C6: variants seen among roughly 807,000 people sequenced by gnomAD.
C6 encodes complement C6.
C6 carries 101 observed loss-of-function variants against 112.9 expected under a neutral mutation model. The observed-to-expected ratio is 0.89, with a 90% confidence interval of 0.76 to 1.06. The LOEUF is 1.06. C6 is among the 50% of genes least tolerant of loss of function. The pLI is 0.00. For synonymous variants in C6, 431 were observed against 384.1 expected, an observed-to-expected ratio of 1.12 and a Z score of -1.43; for missense variants, 1,202 against 1,104.6, an observed-to-expected ratio of 1.09 and a Z score of -1.25.
intron 11 of C6, 79 bp from the exon 12 acceptor site, chr5:41,159,332 C>A: frequency 6.5e-7 from 1 of 1,549,432 alleles, no homozygotes; most frequent in East Asian, 2.4e-5. Context: ...ACCTGGTTTC[C>A]TCACTTTTTA....
chr5:41,172,140 T>G, intron 9 of C6, 85 bp downstream of exon 9: 1 of 1,370,812 alleles, frequency 7.3e-7, no homozygotes, highest in Non-Finnish European at 1.0e-6. Context: ...AAGCTAAAAA[T>G]AGCACAGTCA....
chr5:41,160,671 GAGAT>G (rs1369765464), intron 10 of C6, among the ~76,000 whole-genome samples: 2 of 152,134 alleles, frequency 1.3e-5, no homozygotes, highest in East Asian at 3.9e-4. Context: ...TCAAAGCACT[GAGAT>G]AGGTGACCAA....
At position 41,161,699 on chromosome 5, in the gene C6, G is replaced by A. The variant is rs1429915185; in HGVS notation, c.1452C>T (p.Asp484=). 3.7e-6 allele frequency: 6 copies of A among 1,613,052 alleles called. No individual in the cohort carries two copies. The highest frequency in any genetic ancestry group is 2.7e-5 in the African/African-American group (2 of 74,868). The change falls in exon 10 of 18, where the codon GAC becomes GAT. Residue 484 remains aspartate (D), a synonymous_variant. Coordinates refer to ENST00000337836, the MANE Select transcript of C6 (RefSeq NM_000065.5). ...GAATAATTTTTACTCTTACCTCAAA[G>A]TCAATCACAGCAGGATTTTCCTTCA... ...ESVKENPAVI[D]FELAPIVDLV...
Position 41,149,934 on chromosome 5 carries a change from C to A in C6, c.2381+1G>T. The A allele has an allele frequency of 6.2e-7, 1 of 1,601,582 alleles. No homozygotes were observed. The highest frequency in any genetic ancestry group is 8.6e-7 in the Non-Finnish European group (1 of 1,168,732). On this transcript the variant is annotated splice_donor_variant, in intron 16 of 17. Transcript: ENST00000337836. LOFTEE classifies it high-confidence loss of function. ...GACACAGTCTGTAGGGTATCTCTTACCTACAGTCTTCTTCTGGAGACATAC... is the reference window on the plus strand; with the variant it reads ...GACACAGTCTGTAGGGTATCTCTTAACTACAGTCTTCTTCTGGAGACATAC...
intron 1 of C6, among the ~76,000 whole-genome samples, chr5:41,225,065 A>C (rs1362843984): frequency 6.6e-6 from 1 of 152,078 alleles, no homozygotes. Context: ...CAAATCCTTT[A>C]GCCATTTTTT....
intron 17 of C6, among the ~76,000 whole-genome samples, chr5:41,145,530 G>A (rs1331777338): frequency 6.6e-6 from 1 of 152,172 alleles, no homozygotes; most frequent in East Asian, 1.9e-4. Context: ...TTAGCAATGA[G>A]GTCATGAATG....
At chr5:41,161,205 T>C (rs1747460707) in intron 10 of C6, among the ~76,000 whole-genome samples, 1 of 152,168 alleles carries the variant, frequency 6.6e-6, no homozygotes, top group Admixed American at 6.6e-5. Context: ...GGGTAAAGTA[T>C]TCCATAAATA....
At chr5:41,143,453 ATTTTAT>A (rs1389163435) in intron 17 of C6, among the ~76,000 whole-genome samples, 2 of 152,148 alleles carry the variant, frequency 1.3e-5, no homozygotes, top group South Asian at 2.1e-4. Flanking sequence ...TTTCTGTTTT[ATTTTAT>A]TTTTATTTTT....
At position 41,160,286 on chromosome 5, in the gene C6, ACT is replaced by A; in HGVS notation, c.1538_1539del (p.Glu513ValfsTer15). The A allele has an allele frequency of 6.2e-7, 1 of 1,613,708 alleles. No individual in the cohort carries two copies. The highest frequency in any genetic ancestry group is 8.5e-7 in the Non-Finnish European group (1 of 1,179,826). On this transcript the variant is annotated frameshift_variant, in exon 11 of 18. Transcript: ENST00000337836. LOFTEE classifies it high-confidence loss of function. ...KRNNLRKALQ[E>X]YAAKFDPCQC... is the part of the protein sequence containing the mutation. ...TGGCAAGGATCGAACTTGGCTGCAT[ACT>A]CTTGCAAAGCTTTCCTGAGGTTGTT...
intron 1 of C6, among the ~76,000 whole-genome samples, chr5:41,252,498 C>T (rs894643741): frequency 6.6e-6 from 1 of 152,196 alleles, no homozygotes; most frequent in Non-Finnish European, 1.5e-5. Flanking sequence ...CAACTCCAAC[C>T]TGATTCTGAT....
intron 3 of C6, among the ~76,000 whole-genome samples, chr5:41,200,888 G>GTTTTTTTTT (rs1750967031): frequency 1.5e-5 from 1 of 66,806 alleles, no homozygotes; most frequent in African/African-American, 5.6e-5. Context: ...TGTTGTTGTT[G>GTTTTTTTTT]TTGTTTTTTT....
intron 1 of C6, among the ~76,000 whole-genome samples, chr5:41,239,548 A>G (rs971979935): frequency 5.9e-5 from 9 of 152,114 alleles, no homozygotes; most frequent in Non-Finnish European, 7.4e-5. Flanking sequence ...CTACTATACT[A>G]TCAAACATTA....
At chr5:41,235,517 A>G (rs1441804283) in intron 1 of C6, among the ~76,000 whole-genome samples, 1 of 144,558 alleles carries the variant, frequency 6.9e-6, no homozygotes, top group East Asian at 2.1e-4. Context: ...TGCTATTGTG[A>G]ATAATGCTGC....
rs1745462732 is a variant in C6, at chr5:41,142,748, C to T, written c.*77G>A. 2.6e-6 allele frequency: 3 copies of T among 1,164,772 alleles called. No homozygotes were observed. Among genetic ancestry groups the T allele is most frequent in the Non-Finnish European group, 3.9e-6 (3 of 772,428 alleles). 72.2% of individuals were successfully genotyped at this position (1,164,772 alleles called of 1,614,324 possible). A position where few individuals can be genotyped will look rare whatever the true frequency, so the allele number is the denominator to read the frequency against. On this transcript the variant is annotated 3_prime_UTR_variant, in exon 18 of 18. Coordinates refer to ENST00000337836, the MANE Select transcript of C6 (RefSeq NM_000065.5). Reference sequence around the variant, plus strand: ...TGAGCATGCCAGTCTGCTGTTTGTGCAAGAATTCTCATTTGTAGGAGTTGG... The same window carrying T: ...TGAGCATGCCAGTCTGCTGTTTGTGTAAGAATTCTCATTTGTAGGAGTTGG...
In C6 at chr5:41,224,791, G is replaced by A. The variant is rs564418449; in HGVS notation, c.-20-21541C>T. 2.6e-5 allele frequency among the ~76,000 whole-genome samples: 4 copies of A among 152,156 alleles called. No homozygotes were observed. In the East Asian group the frequency reaches 7.7e-4, roughly 29 times the overall value. On this transcript the variant is annotated intron_variant, in intron 1 of 17. Coordinates refer to the C6 transcript ENST00000263413. ...AGGAGTGGAGTTGCTGGGTCATATG[G>A]TAGCTCTATCTTTAACATTTTAAGG...
At position 41,149,358 on chromosome 5, in the gene C6, A is replaced by T. The variant is rs749478061; in HGVS notation, c.2506T>A (p.Ser836Thr). 1 of 1,614,096 alleles carries T rather than the reference A, an allele frequency of 6.2e-7. No homozygotes were observed. The highest frequency in any genetic ancestry group is 8.5e-7 in the Non-Finnish European group (1 of 1,179,976). The change falls in exon 17 of 18, where the codon TCC becomes ACC. Residue 836 changes from serine to threonine, a missense_variant. Ser to Thr is a moderately conservative substitution (Grantham distance 58). Transcript: ENST00000337836. ...NQQLHFLHIG[S>T]CQDGRQLEWG... ...TCTAACTGGCGGCCGTCTTGGCAGG[A>T]ACCAATATGTAGAAAATGGAGTTGC... is the stretch of plus-strand genomic sequence containing the variant.
chr5:41,211,385 A>G (rs945671255), intron 1 of C6, among the ~76,000 whole-genome samples: 3 of 152,094 alleles, frequency 2.0e-5, no homozygotes, highest in Non-Finnish European at 4.4e-5. Flanking sequence ...CTTAAAGTAT[A>G]ATAAAAAAAA....
chr5:41,256,324 T>C (rs1372009472), intron 1 of C6, among the ~76,000 whole-genome samples: 2 of 151,022 alleles, frequency 1.3e-5, no homozygotes, highest in Non-Finnish European at 2.9e-5. Context: ...ATATACCTAA[T>C]GCTAGATGAC....
chr5:41,170,839 T>G (rs1748370116), intron 9 of C6, among the ~76,000 whole-genome samples: 1 of 152,168 alleles, frequency 6.6e-6, no homozygotes, highest in Non-Finnish European at 1.5e-5. Flanking sequence ...AAACAGAATT[T>G]TACAGAGAGG....
Sources: gnomAD v4.1 joint callset for allele counts (sites outside exome capture counted in the v4.1 genomes callset) on GRCh38, gnomAD v4.1.1 for gene constraint, MANE v1.5 for transcripts, NCBI Gene and HGNC (gene_info 2026-07-23, HGNC 2026-07-21) for gene names.